The following PKLR variants were observed in gnomAD, a reference collection of about 807,000 sequenced individuals.
PKLR encodes pyruvate kinase PKLR.
A neutral mutation model predicts 53.6 loss-of-function variants in PKLR; 38 were observed. The observed-to-expected ratio is 0.71, with a 90% confidence interval of 0.55 to 0.93. The LOEUF (loss-of-function observed/expected upper bound fraction) is 0.93. Among genes scored for constraint, PKLR ranks in the 40% least tolerant of loss-of-function variants. The pLI, the probability that PKLR is intolerant of heterozygous loss-of-function variation, is 0.00. For missense variants in PKLR, 702 were observed against 787.3 expected (o/e 0.89, Z 1.30); for synonymous variants, 328 against 316.2 (o/e 1.04, Z -0.39).
rs993719948 is a variant in PKLR, at chr1:155,295,060, G to A, written c.694+56C>T. ...TCTGAGGGCTGATGGGGGAGCCAAG[G>A]AGAAGGGAATGTGCCCAGCGCACGG... is the stretch of plus-strand genomic sequence containing the variant. On this transcript the variant is annotated intron_variant, in intron 5 of 10. Coordinates refer to ENST00000342741, the MANE Select transcript of PKLR (RefSeq NM_000298.6). This position sits in a 1 kb window ranked among gnomAD's most constrained non-coding sequence, Gnocchi z 4.3. 9 of 1,580,446 alleles carry A rather than the reference G, an allele frequency of 5.7e-6. No homozygotes were observed. Among genetic ancestry groups the A allele is most frequent in the African/African-American group, 2.7e-5 (2 of 74,106 alleles).
At chr1:155,291,176 C>T (rs1290557810) in intron 10 of PKLR, among the ~76,000 whole-genome samples, 1 of 152,026 alleles carries the variant, frequency 6.6e-6, no homozygotes, top group Non-Finnish European at 1.5e-5. Context: ...GGGTGGCATG[C>T]AGGGAATGTG....
Position 155,290,671 on chromosome 1 carries a change from G to A in PKLR, c.1626C>T (p.Leu542=). 2 of 1,604,880 alleles carry A rather than the reference G, an allele frequency of 1.2e-6. No individual in the cohort carries two copies. The highest frequency in any genetic ancestry group is 1.7e-6 in the Non-Finnish European group (2 of 1,171,808). Residue 542 remains leucine, a synonymous_variant, in exon 11 of 11, where the codon CTC becomes CTT. Transcript: ENST00000342741. ...GGTCTCCAACACGGAGGAAGCCACG[G>A]AGCTTTCCTGGGGGAGGGAAAGAAA... ...RVQFGIESGK[L]RGFLRVGDLV... is the part of the protein sequence containing the mutation.
chr1:155,308,626 T>C, the PKLR span: 3 of 985,428 alleles, frequency 3.0e-6, no homozygotes, highest in Non-Finnish European at 3.6e-6. Context: ...GCGGGGACGT[T>C]CCCAGCCTGG....
rs1674454790 is a variant in PKLR at position 155,289,812 on chromosome 1, C to G, written c.*760G>C. On this transcript the variant is annotated 3_prime_UTR_variant, in exon 11 of 11. Coordinates refer to ENST00000342741, the MANE Select transcript of PKLR (RefSeq NM_000298.6). ...GTGGGAGAAGTTTTATAATTGCTTC[C>G]AAACAGCTGGGTTTAAATATAAAAT... 3.3e-5 allele frequency: 5 copies of G among 152,282 alleles called. No homozygotes were observed. The South Asian group carries it at 1.0e-3, about 32-fold the overall frequency. 9.4% of individuals were successfully genotyped at this position (152,282 alleles called of 1,614,324 possible). A position where few individuals can be genotyped will look rare whatever the true frequency, so the allele number is the denominator to read the frequency against.
At chr1:155,301,546 C>T, upstream of PKLR, 1 of 897,478 alleles carries the variant, frequency 1.1e-6, no homozygotes, top group Non-Finnish European at 1.8e-6. Context: ...CCAGAACGGC[C>T]TGCTCTCTGC....
chr1:155,307,389 G>A, the PKLR span, among the ~76,000 whole-genome samples: 385 of 152,348 alleles, frequency 2.5e-3, 1 homozygote, highest in African/African-American at 9.0e-3. Context: ...TAGGGACTGG[G>A]TAGAATAAGG....
At chr1:155,308,055 CT>C in the PKLR span, among the ~76,000 whole-genome samples, 36,933 of 123,590 alleles carry the variant, frequency 0.3, 4,845 homozygotes, top group East Asian at 0.62. Flanking sequence ...TGAGACTCAT[CT>C]TTTTTTTTTT....
rs145132664 is a variant in PKLR at position 155,293,603 on chromosome 1, G to A, written c.1117-13C>T. On this transcript the variant is annotated splice_polypyrimidine_tract_variant and intron_variant, in intron 7 of 10. Transcript: ENST00000342741. The surrounding 1 kb of genome is among the most constrained non-coding windows in gnomAD (Gnocchi z 4.2). The stretch of plus-strand genomic sequence containing the variant: ...TGCTCTCCAGCATCTGGGGGACAGC[G>A]TGGATGTCAAAGTTGTAGGACTCAC... 228 of 1,613,944 alleles carry A rather than the reference G, an allele frequency of 1.4e-4. 1 individual carries two copies. In the East Asian group the frequency reaches 2.7e-3, roughly 19 times the overall value.
the PKLR span, among the ~76,000 whole-genome samples, chr1:155,307,904 C>T: frequency 1.3e-5 from 2 of 151,964 alleles, no homozygotes; most frequent in South Asian, 2.1e-4. Context: ...CAGCCTCCCA[C>T]GTAGCTGGAA....
chr1:155,299,345 C>A (rs1647847098), intron 2 of PKLR, among the ~76,000 whole-genome samples: 2 of 151,462 alleles, frequency 1.3e-5, no homozygotes, highest in Admixed American at 1.3e-4. Flanking sequence ...CATGCACCAC[C>A]ACACTCAACT....
chr1:155,297,344 C>T (rs1205605504), intron 2 of PKLR, among the ~76,000 whole-genome samples: 1 of 152,062 alleles, frequency 6.6e-6, no homozygotes, highest in Non-Finnish European at 1.5e-5. Context: ...CCACCACAGT[C>T]TTTCCTGCTC....
At position 155,293,541 on chromosome 1, in the gene PKLR, C is replaced by G; in HGVS notation, c.1166G>C (p.Ser389Thr). Reference sequence around the variant, plus strand: ...ATCCAGCACAGCATTGGCGACATCGCTTGTCTCTGCCCTCGTTGGCCGGGG... The same window carrying G: ...ATCCAGCACAGCATTGGCGACATCGGTTGTCTCTGCCCTCGTTGGCCGGGG... ...TKPRPTRAET[S>T]DVANAVLDGA... Residue 389 changes from serine to threonine, a missense_variant, in exon 8 of 11, where the codon AGC becomes ACC. Ser to Thr is a moderately conservative substitution (Grantham distance 58). Transcript: ENST00000342741. This position sits in a 1 kb window ranked among gnomAD's most constrained non-coding sequence, Gnocchi z 4.2. 1.2e-6 allele frequency: 2 copies of G among 1,614,234 alleles called. No individual in the cohort carries two copies. The highest frequency in any genetic ancestry group is 1.7e-6 in the Non-Finnish European group (2 of 1,180,032).
chr1:155,302,219 T>C (rs905024825), upstream of PKLR, among the ~76,000 whole-genome samples: 1 of 148,638 alleles, frequency 6.7e-6, no homozygotes, highest in African/African-American at 2.5e-5. Flanking sequence ...ATTTTGTTTT[T>C]CTTTTTTCTT....
intron 2 of PKLR, among the ~76,000 whole-genome samples, chr1:155,297,959 C>T (rs1388004220): frequency 6.6e-6 from 1 of 152,222 alleles, no homozygotes; most frequent in Non-Finnish European, 1.5e-5. Flanking sequence ...TTTAGGGCTG[C>T]AACCTGTCTT....
chr1:155,298,953 CCTTT>C (rs530027982), intron 2 of PKLR, among the ~76,000 whole-genome samples: 6,168 of 103,738 alleles, frequency 0.059, 123 homozygotes, highest in Non-Finnish European at 0.076. Flanking sequence ...AACTTTCACT[CCTTT>C]CTTTCTTTCT....
chr1:155,308,243 A>G, the PKLR span, among the ~76,000 whole-genome samples: 1 of 144,244 alleles, frequency 6.9e-6, no homozygotes, highest in South Asian at 2.2e-4. Flanking sequence ...TTTTTTTTGT[A>G]TTTTTAGTAG....
upstream of PKLR, among the ~76,000 whole-genome samples, chr1:155,304,370 G>T (rs1572067177): frequency 1.3e-5 from 2 of 150,212 alleles, no homozygotes; most frequent in South Asian, 2.1e-4. Context: ...GGAGGCAGAG[G>T]TTGCAGTGAG....
At chr1:155,305,191 C>G (rs1648198835), upstream of PKLR, among the ~76,000 whole-genome samples, 3 of 152,206 alleles carry the variant, frequency 2.0e-5, no homozygotes, top group Admixed American at 1.3e-4. Flanking sequence ...CCTGCCCATT[C>G]CTTTGTATAA....
chr1:155,300,448 A>G (rs1006962081), intron 1 of PKLR, among the ~76,000 whole-genome samples, 168 bp from the exon 2 acceptor site: 2 of 152,230 alleles, frequency 1.3e-5, no homozygotes, highest in Non-Finnish European at 2.9e-5. Context: ...TAAATGTTCT[A>G]TAATTATCCA....
Sources: allele counts gnomAD v4.1 joint callset (sites outside exome capture counted in the v4.1 genomes callset), GRCh38; gene constraint gnomAD v4.1.1; non-coding constraint Gnocchi (gnomAD v3.1); transcripts MANE v1.5; gene names NCBI Gene and HGNC (gene_info 2026-07-23, HGNC 2026-07-21).